DNAH3: variants seen among roughly 807,000 people sequenced by gnomAD.
DNAH3 encodes axonemal beta dynein heavy chain 3.
DNAH3 carries 332 observed loss-of-function variants against 432.5 expected under a neutral mutation model. The observed-to-expected ratio is 0.77, with a 90% CI of 0.70 to 0.84. The LOEUF (loss-of-function observed/expected upper bound fraction) is 0.84. DNAH3 is among the 40% of genes least tolerant of loss of function. The probability of loss-of-function intolerance (pLI) is 0.00; values close to 1 mark genes in which losing one functional copy is unlikely to be tolerated. For synonymous variants in DNAH3, 1,956 were observed against 1,900.2 expected (o/e 1.03, Z -0.76); for missense variants, 4,861 against 5,114.0 (o/e 0.95, Z 1.51).
At chr16:21,087,630 G>A (rs377500468) in intron 18 of DNAH3, among the ~76,000 whole-genome samples, 4 of 152,138 alleles carry the variant, frequency 2.6e-5, no homozygotes, top group East Asian at 3.9e-4. Flanking sequence ...ATTAACCATC[G>A]GGGAAAGGTG....
At chr16:21,049,081 A>C (rs564046410) in intron 31 of DNAH3, among the ~76,000 whole-genome samples, 132 of 151,348 alleles carry the variant, frequency 8.7e-4, no homozygotes, top group African/African-American at 3.0e-3. Context: ...TCAGCCTCGA[A>C]CTCCTGGGCT....
At chr16:21,047,403 C>T (rs1185261369) in intron 31 of DNAH3, among the ~76,000 whole-genome samples, 1 of 151,442 alleles carries the variant, frequency 6.6e-6, no homozygotes, top group African/African-American at 2.4e-5. Flanking sequence ...CTAGACTTCC[C>T]TTCTCGCTTC....
intron 49 of DNAH3, 139 bp downstream of exon 49, chr16:20,982,582 T>A: frequency 1.5e-6 from 1 of 648,620 alleles, no homozygotes; most frequent in Non-Finnish European, 2.5e-6. Context: ...AATATCTAAC[T>A]AACTGTGATT....
At chr16:20,941,010 G>A (rs2083785691) in intron 59 of DNAH3, among the ~76,000 whole-genome samples, 1 of 152,156 alleles carries the variant, frequency 6.6e-6, no homozygotes, top group Non-Finnish European at 1.5e-5. Context: ...TGAGGTGGGA[G>A]GACTGCTTGA....
exon 60 of DNAH3, chr16:20,936,690 C>T (rs773318051): frequency 6.2e-6 from 10 of 1,606,862 alleles, no homozygotes; most frequent in Non-Finnish European, 5.9e-6. Flanking sequence ...GCCACGTAGC[C>T]CCCCAGAGGC....
intron 56 of DNAH3, among the ~76,000 whole-genome samples, chr16:20,949,927 A>G (rs1427045078): frequency 1.3e-5 from 2 of 152,180 alleles, no homozygotes; most frequent in Admixed American, 6.6e-5. Flanking sequence ...CAGGGCAATC[A>G]TGCACTCATG....
At chr16:21,019,998 C>G in intron 40 of DNAH3, 129 bp from the exon 41 acceptor site, 1 of 970,530 alleles carries the variant, frequency 1.0e-6, no homozygotes, top group South Asian at 1.6e-5. Flanking sequence ...GAGTGCCTAT[C>G]ACCTACCAGA....
intron 18 of DNAH3, among the ~76,000 whole-genome samples, chr16:21,091,336 C>A: frequency 6.6e-6 from 1 of 151,124 alleles, no homozygotes; most frequent in Non-Finnish European, 1.5e-5. Flanking sequence ...ATATACATAA[C>A]TACTTGTCAA....
At chr16:20,975,668 C>CT (rs1473555338) in intron 50 of DNAH3, among the ~76,000 whole-genome samples, 1 of 152,152 alleles carries the variant, frequency 6.6e-6, no homozygotes, top group African/African-American at 2.4e-5. Context: ...AAACTAAAAT[C>CT]TTTTTTAAAA....
chr16:21,050,050 G>T, intron 29 of DNAH3, 32 bp from the exon 30 acceptor site: 1 of 1,486,736 alleles, frequency 6.7e-7, no homozygotes, highest in Non-Finnish European at 9.4e-7. Context: ...TTCAGTGCTT[G>T]AGGTCTAAGA....
exon 46 of DNAH3, chr16:20,987,788 A>G (rs148640490): frequency 2.2e-5 from 35 of 1,614,030 alleles, no homozygotes; most frequent in Non-Finnish European, 2.8e-5. Context: ...GGAGTTGGCA[A>G]GAAGTTCTCC....
At chr16:21,135,983 A>G (rs1190519889) in intron 6 of DNAH3, among the ~76,000 whole-genome samples, 1 of 151,828 alleles carries the variant, frequency 6.6e-6, no homozygotes, top group African/African-American at 2.4e-5. Context: ...GGTTACAGGG[A>G]TGCACGTGAA....
At chr16:21,030,973 GATCA>G in intron 37 of DNAH3, 68 bp downstream of exon 37, 1 of 1,496,122 alleles carries the variant, frequency 6.7e-7, no homozygotes, top group Non-Finnish European at 9.2e-7. Context: ...ATATAGTTTT[GATCA>G]ATCACTTACT....
chr16:21,153,909 C>T (rs544936984), intron 1 of DNAH3, among the ~76,000 whole-genome samples: 4 of 152,304 alleles, frequency 2.6e-5, no homozygotes, highest in East Asian at 3.9e-4. Context: ...TTCAAAATAA[C>T]CCTGAGCTTT....
At chr16:21,153,742 C>G (rs2092879242) in intron 1 of DNAH3, among the ~76,000 whole-genome samples, 2 of 152,138 alleles carry the variant, frequency 1.3e-5, no homozygotes, top group Non-Finnish European at 2.9e-5. Flanking sequence ...TCCAGACGCG[C>G]TACCTTAAGA....
intron 2 of DNAH3, among the ~76,000 whole-genome samples, 193 bp from the exon 4 acceptor site, chr16:21,145,599 T>C (rs538115285): frequency 1.3e-4 from 20 of 152,356 alleles, no homozygotes; most frequent in Middle Eastern, 3.4e-3. Context: ...TGAATTCTGA[T>C]GTCAGGGATA....
chr16:21,008,819 T>G (rs2087445492), intron 41 of DNAH3, among the ~76,000 whole-genome samples: 1 of 152,238 alleles, frequency 6.6e-6, no homozygotes, highest in African/African-American at 2.4e-5. Context: ...GAATCTTGTT[T>G]TCTCTCCTTA....
intron 61 of DNAH3, 152 bp downstream of exon 61, chr16:20,935,196 G>GAT: frequency 1.2e-6 from 1 of 827,860 alleles, no homozygotes; most frequent in Admixed American, 3.0e-5. Flanking sequence ...GTAGCTTTTA[G>GAT]AGCTACTGTA....
chr16:20,943,850 G>A (rs901124985), intron 58 of DNAH3, among the ~76,000 whole-genome samples: 3 of 152,108 alleles, frequency 2.0e-5, no homozygotes, highest in Admixed American at 6.6e-5. Flanking sequence ...TGGGCATGGT[G>A]GCATGTGCTT....
Sources: allele counts gnomAD v4.1 joint callset (sites outside exome capture counted in the v4.1 genomes callset), GRCh38; gene constraint gnomAD v4.1.1; transcripts MANE v1.5; gene names NCBI Gene and HGNC (gene_info 2026-07-23, HGNC 2026-07-21).